Variants in RELN observed in about 807,000 individuals in gnomAD.
RELN encodes the protein reelin.
In RELN, 108 loss-of-function variants were observed where a neutral mutation model predicts 427.6. That is an observed-to-expected ratio of 0.25 (90% CI 0.22 to 0.30). RELN has a LOEUF of 0.30. Among genes scored for constraint, RELN ranks in the 10% least tolerant of loss-of-function variants. RELN has a pLI of 1.00. For missense variants in RELN, 3,715 were observed against 4,302.8 expected (o/e 0.86, Z 3.82); for synonymous variants, 1,524 against 1,513.4 (o/e 1.01, Z -0.16).
intron 27 of RELN, among the ~76,000 whole-genome samples, chr7:103,591,926 T>C (rs1194242596): frequency 2.0e-5 from 3 of 152,264 alleles, no homozygotes; most frequent in Middle Eastern, 3.4e-3. Context: ...GTCTCTCCTA[T>C]CTTTAAAAAT....
intron 10 of RELN, among the ~76,000 whole-genome samples, chr7:103,696,513 A>G (rs947398592): frequency 6.6e-6 from 1 of 151,980 alleles, no homozygotes; most frequent in Non-Finnish European, 1.5e-5. Flanking sequence ...CTCCTTCACT[A>G]TGTTTCCTTT....
rs1304148800 is a variant in RELN, at chr7:103,706,394, C to T, written c.806-5388G>A. 2.0e-5 allele frequency among the ~76,000 whole-genome samples: 3 copies of T among 149,030 alleles called. No individual in the cohort carries two copies. In the East Asian group the frequency reaches 5.8e-4, roughly 29 times the overall value. Reference sequence around the variant, plus strand: ...CTGATTAGTTAGAAATTTAATAGCACCCATCCAAAAAAAAATTTCCAGCAA... The same window carrying T: ...CTGATTAGTTAGAAATTTAATAGCATCCATCCAAAAAAAAATTTCCAGCAA... On this transcript the variant is annotated intron_variant, in intron 8 of 64. Coordinates refer to ENST00000428762, the MANE Select transcript of RELN (RefSeq NM_005045.4).
intron 19 of RELN, among the ~76,000 whole-genome samples, chr7:103,633,664 C>G (rs925537876): frequency 3.9e-5 from 6 of 152,020 alleles, no homozygotes; most frequent in African/African-American, 1.4e-4. Flanking sequence ...TTTGCAATAG[C>G]ACATTAAATG....
chr7:103,508,481 G>A (rs190386410), intron 51 of RELN, among the ~76,000 whole-genome samples: 40 of 152,214 alleles, frequency 2.6e-4, no homozygotes, highest in African/African-American at 7.2e-4. Context: ...CAATAACTAG[G>A]TATTGATGGA....
At chr7:103,982,419 A>G (rs749494605) in intron 1 of RELN, among the ~76,000 whole-genome samples, 8 of 152,202 alleles carry the variant, frequency 5.3e-5, no homozygotes, top group Non-Finnish European at 2.9e-5. Context: ...ATAGTTGATA[A>G]TAAATGTACT....
intron 2 of RELN, among the ~76,000 whole-genome samples, chr7:103,845,876 C>T: frequency 6.6e-6 from 1 of 151,684 alleles, no homozygotes; most frequent in Non-Finnish European, 1.5e-5. Context: ...AGAGAGGACA[C>T]AAACAAATGG....
chr7:103,976,862 G>A (rs73185407), intron 1 of RELN, among the ~76,000 whole-genome samples: 18,374 of 151,766 alleles, frequency 0.12, 1,322 homozygotes, highest in Middle Eastern at 0.28. Flanking sequence ...ACCAGCCTGG[G>A]CAACACAGTA....
At chr7:103,691,809 T>C (rs140024982) in intron 10 of RELN, among the ~76,000 whole-genome samples, 2,377 of 152,150 alleles carry the variant, frequency 0.016, 71 homozygotes, top group African/African-American at 0.054. Flanking sequence ...CAAGACTCTT[T>C]CTCAAAAAAT....
intron 37 of RELN, among the ~76,000 whole-genome samples, chr7:103,557,721 T>G (rs1400916333): frequency 1.3e-5 from 2 of 152,180 alleles, no homozygotes; most frequent in Non-Finnish European, 2.9e-5. Flanking sequence ...GATGATAAAT[T>G]TAACTACCAT....
At chr7:103,676,235 G>C (rs1833520731) in intron 11 of RELN, among the ~76,000 whole-genome samples, 1 of 152,160 alleles carries the variant, frequency 6.6e-6, no homozygotes, top group African/African-American at 2.4e-5. Context: ...CAAAGGCTAT[G>C]AACAGACACT....
At chr7:103,820,066 T>A (rs897777054) in intron 3 of RELN, among the ~76,000 whole-genome samples, 1 of 152,008 alleles carries the variant, frequency 6.6e-6, no homozygotes, top group Non-Finnish European at 1.5e-5. Context: ...AACTATCCAT[T>A]TCAATGTATC....
At chr7:103,534,821 G>A (rs1031957560) in intron 46 of RELN, among the ~76,000 whole-genome samples, 8 of 152,146 alleles carry the variant, frequency 5.3e-5, no homozygotes, top group African/African-American at 1.9e-4. Context: ...TGCTTCAGGT[G>A]ATAATTCTCA....
chr7:103,876,799 A>G (rs1210879409), intron 2 of RELN, among the ~76,000 whole-genome samples: 1 of 151,914 alleles, frequency 6.6e-6, no homozygotes, highest in African/African-American at 2.4e-5. Flanking sequence ...AAAAAAAAGA[A>G]TGAAAAACTC....
chr7:103,769,483 C>A (rs568543498), intron 4 of RELN, among the ~76,000 whole-genome samples: 3 of 152,158 alleles, frequency 2.0e-5, no homozygotes, highest in African/African-American at 7.2e-5. Flanking sequence ...TCCCAGCCTT[C>A]GGAACTGTGA....
rs144146939 is a variant in RELN at position 103,643,575 on chromosome 7, T to C, written c.2003-2966A>G. ...GAGTACAGCAGCTATTCATAGCTAA[T>C]CTTAACTAACCTGCACATTGTGCAC... is the stretch of plus-strand genomic sequence containing the variant. On this transcript the variant is annotated intron_variant, in intron 16 of 64. Coordinates refer to ENST00000428762, the MANE Select transcript of RELN (RefSeq NM_005045.4). Among the ~76,000 whole-genome samples the C allele has an allele frequency of 7.9e-5, 12 of 152,060 alleles. No homozygotes were observed. The East Asian group carries it at 2.3e-3, about 29-fold the overall frequency.
chr7:103,745,526 C>T (rs1039298354), intron 6 of RELN, among the ~76,000 whole-genome samples: 3 of 149,144 alleles, frequency 2.0e-5, no homozygotes, highest in African/African-American at 7.7e-5. Context: ...CCCATCGTCT[C>T]AGCCCAAAAT....
chr7:103,856,728 C>T (rs901563693), intron 2 of RELN, among the ~76,000 whole-genome samples: 2 of 152,052 alleles, frequency 1.3e-5, no homozygotes, highest in African/African-American at 4.8e-5. Flanking sequence ...GAGACCAGTG[C>T]TGCAGGACAC....
chr7:103,604,705 T>C lies in RELN; in HGVS notation c.3009-222A>G, dbSNP rs113347934. On this transcript the variant is annotated intron_variant, in intron 22 of 64. Coordinates refer to ENST00000428762, the MANE Select transcript of RELN (RefSeq NM_005045.4). The stretch of plus-strand genomic sequence containing the variant: ...CTGTCTATTGGATGCAATTCAATCT[T>C]AATTTGAGATGTTTTAAAGAAAAAC... Among the ~76,000 whole-genome samples the C allele has an allele frequency of 2.0e-5, 3 of 152,338 alleles. 1 individual carries two copies. The highest frequency in any genetic ancestry group is 7.2e-5 in the African/African-American group (3 of 41,584).
intron 1 of RELN, among the ~76,000 whole-genome samples, chr7:103,976,078 C>T (rs551041686): frequency 1.2e-4 from 19 of 152,236 alleles, no homozygotes; most frequent in East Asian, 1.9e-4. Flanking sequence ...TAAAATACTA[C>T]GTCAGAAAAG....
Sources: gnomAD v4.1 joint callset for allele counts (sites outside exome capture counted in the v4.1 genomes callset) on GRCh38, gnomAD v4.1.1 for gene constraint, MANE v1.5 for transcripts, NCBI Gene and HGNC (gene_info 2026-07-23, HGNC 2026-07-21) for gene names.